Variants in SGMS1 observed in about 807,000 individuals in gnomAD.
SGMS1 encodes the protein phosphatidylcholine:ceramide cholinephosphotransferase 1.
Under a neutral mutation model 46.2 loss-of-function variants are expected in SGMS1, and 13 were observed. The ratio of observed to expected loss-of-function variants is 0.28; its 90% CI spans 0.18 to 0.45. The LOEUF (loss-of-function observed/expected upper bound fraction) is 0.45, where lower values mean the gene tolerates loss of function less well. SGMS1 is among the 20% of genes least tolerant of loss of function. The pLI, the probability that SGMS1 is intolerant of heterozygous loss-of-function variation, is 1.00. For missense variants in SGMS1, 324 were observed against 519.9 expected (o/e 0.62, Z 3.66); for synonymous variants, 203 against 187.8 (o/e 1.08, Z -0.66).
chr10:50,546,550 T>C (rs1050083535), intron 2 of SGMS1, among the ~76,000 whole-genome samples: 4 of 152,156 alleles, frequency 2.6e-5, no homozygotes, highest in African/African-American at 9.7e-5. Flanking sequence ...CCATAACAAA[T>C]GATGAGTTCA....
chr10:50,337,370 A>G (rs565608350), intron 7 of SGMS1, among the ~76,000 whole-genome samples: 158 of 152,330 alleles, frequency 1.0e-3, no homozygotes, highest in Non-Finnish European at 1.9e-3. Flanking sequence ...TGGCTAATAT[A>G]TAGTAAAGTG....
intron 3 of SGMS1, among the ~76,000 whole-genome samples, chr10:50,507,906 G>T (rs1357355636): frequency 6.6e-6 from 1 of 152,194 alleles, no homozygotes; most frequent in Admixed American, 6.5e-5. Context: ...CCAACCAGGG[G>T]TTCCAAGCCA....
At chr10:50,397,965 ATG>A (rs1307003509) in intron 6 of SGMS1, among the ~76,000 whole-genome samples, 1 of 152,192 alleles carries the variant, frequency 6.6e-6, no homozygotes, top group Non-Finnish European at 1.5e-5. Context: ...GCTCTTCAGC[ATG>A]TGACTTGGGA....
intron 3 of SGMS1, among the ~76,000 whole-genome samples, chr10:50,502,606 G>A (rs1410255399): frequency 6.6e-6 from 1 of 152,096 alleles, no homozygotes; most frequent in Admixed American, 6.5e-5. Context: ...CAAAATTTTA[G>A]TATTCTACTC....
At chr10:50,563,834 A>C in intron 2 of SGMS1, among the ~76,000 whole-genome samples, 1 of 152,052 alleles carries the variant, frequency 6.6e-6, no homozygotes, top group Non-Finnish European at 1.5e-5. Context: ...AATTACAGGA[A>C]TCCACAGGCC....
intron 3 of SGMS1, among the ~76,000 whole-genome samples, chr10:50,483,335 C>A (rs779681406): frequency 6.6e-6 from 1 of 152,172 alleles, no homozygotes; most frequent in African/African-American, 2.4e-5. Flanking sequence ...CCACCTCAGC[C>A]CCACAAGGTG....
At chr10:50,313,933 A>G (rs1042447779) in intron 8 of SGMS1, among the ~76,000 whole-genome samples, 2 of 152,220 alleles carry the variant, frequency 1.3e-5, no homozygotes, top group Admixed American at 1.3e-4. Flanking sequence ...AACTTCTGCA[A>G]AGGGAAAACC....
intron 8 of SGMS1, among the ~76,000 whole-genome samples, chr10:50,326,186 A>T (rs1021248293): frequency 6.6e-6 from 1 of 152,172 alleles, no homozygotes; most frequent in Non-Finnish European, 1.5e-5. Flanking sequence ...AAATTAAAAA[A>T]AGCAAAAAGT....
intron 6 of SGMS1, among the ~76,000 whole-genome samples, chr10:50,426,628 A>G (rs1849330209): frequency 6.6e-6 from 1 of 152,194 alleles, no homozygotes; most frequent in African/African-American, 2.4e-5. Flanking sequence ...ATAATAAATT[A>G]ACCCTGTGCC....
intron 3 of SGMS1, among the ~76,000 whole-genome samples, chr10:50,497,136 G>A (rs1033970249): frequency 2.8e-4 from 43 of 152,280 alleles, no homozygotes; most frequent in African/African-American, 9.9e-4. Context: ...AAGTGTCAAC[G>A]ATTAACGATG....
intron 6 of SGMS1, among the ~76,000 whole-genome samples, chr10:50,345,277 C>T (rs1207104332): frequency 1.3e-5 from 2 of 152,028 alleles, no homozygotes; most frequent in Admixed American, 6.6e-5. Context: ...CAGCCCCTCT[C>T]GGGTTCTGTG....
intron 5 of SGMS1, among the ~76,000 whole-genome samples, chr10:50,439,836 C>G (rs1323147945): frequency 6.6e-6 from 1 of 152,152 alleles, no homozygotes; most frequent in Non-Finnish European, 1.5e-5. Context: ...AAGGCTGGCA[C>G]AGAAACTTGT....
At chr10:50,534,380 A>G (rs567475768) in intron 2 of SGMS1, among the ~76,000 whole-genome samples, 3 of 152,356 alleles carry the variant, frequency 2.0e-5, no homozygotes, top group African/African-American at 7.2e-5. Flanking sequence ...TATTATTCAA[A>G]GGAATGTAAA....
intron 8 of SGMS1, among the ~76,000 whole-genome samples, chr10:50,325,002 T>C (rs1349719251): frequency 6.6e-6 from 1 of 152,222 alleles, no homozygotes; most frequent in African/African-American, 2.4e-5. Flanking sequence ...AATCAGGATA[T>C]CGCATCAACT....
intron 1 of SGMS1, among the ~76,000 whole-genome samples, chr10:50,620,890 T>TA (rs1370736639): frequency 6.6e-6 from 1 of 152,094 alleles, no homozygotes; most frequent in Admixed American, 6.5e-5. Flanking sequence ...TTAAAAATAA[T>TA]AATAATAATA....
intron 3 of SGMS1, among the ~76,000 whole-genome samples, chr10:50,492,346 C>A (rs2092997): frequency 1 from 152,291 of 152,338 alleles, 76,122 homozygotes; most frequent in Middle Eastern, 1. Flanking sequence ...AGAAATAATG[C>A]GAAGAGAGTC....
intron 6 of SGMS1, among the ~76,000 whole-genome samples, chr10:50,404,975 T>C (rs1335900367): frequency 6.6e-6 from 1 of 152,196 alleles, no homozygotes. Context: ...GGTATGTATA[T>C]TAATCCCTTT....
intron 1 of SGMS1, among the ~76,000 whole-genome samples, chr10:50,591,084 G>A (rs979851197): frequency 2.6e-5 from 4 of 152,070 alleles, no homozygotes; most frequent in Non-Finnish European, 5.9e-5. Flanking sequence ...ACAAGTTTGC[G>A]GCAAAGTGGT....
intron 5 of SGMS1, among the ~76,000 whole-genome samples, chr10:50,434,819 G>A (rs557884578): frequency 2.9e-4 from 42 of 146,562 alleles, no homozygotes; most frequent in Non-Finnish European, 5.5e-4. Context: ...GGGAGGCGGA[G>A]TTTGCAGTGA....
Sources: gnomAD v4.1 joint callset for allele counts (sites outside exome capture counted in the v4.1 genomes callset) on GRCh38, gnomAD v4.1.1 for gene constraint, MANE v1.5 for transcripts, NCBI Gene and HGNC (gene_info 2026-07-23, HGNC 2026-07-21) for gene names.